WDR7: variants seen among roughly 807,000 people sequenced by gnomAD.
WDR7 encodes the protein WD repeat-containing protein 7.
A neutral mutation model predicts 169.4 loss-of-function variants in WDR7; 46 were observed. The observed-to-expected ratio is 0.27, with a 90% CI of 0.21 to 0.35. The LOEUF is 0.35. WDR7 is among the 10% of genes least tolerant of loss of function. WDR7 has a pLI of 1.00. For synonymous variants in WDR7, 612 were observed against 666.8 expected, an observed-to-expected ratio of 0.92 and a Z score of 1.27; for missense variants, 1,534 against 1,859.3, an observed-to-expected ratio of 0.83 and a Z score of 3.22.
At chr18:56,725,495 G>T (rs1179986825) in intron 13 of WDR7, among the ~76,000 whole-genome samples, 1 of 152,016 alleles carries the variant, frequency 6.6e-6, no homozygotes, top group African/African-American at 2.4e-5. Context: ...CTTTTTGATG[G>T]GGTTGTTTGT....
chr18:56,756,812 C>A lies in WDR7; in HGVS notation c.2219C>A (p.Ala740Glu). 6.2e-7 allele frequency: 1 copy of A among 1,614,046 alleles called. No homozygotes were observed. Among genetic ancestry groups the A allele is most frequent in the Admixed American group, 1.7e-5 (1 of 59,984 alleles). ...TCTTTTTTAACTGGAAAACGAGCAG[C>A]AGTTCTCTTCCAACAAGTGAAAGAA... is the stretch of plus-strand genomic sequence containing the variant. ...GGSFLTGKRA[A>E]VLFQQVKETI... Residue 740 changes from alanine (A) to glutamate (E), a missense_variant, in exon 15 of 28, where the codon GCA (alanine) becomes GAA (glutamate). By Grantham distance (107) the Ala-to-Glu change is moderately radical. Transcript: ENST00000254442.
chr18:57,019,723 AAC>A (rs2048260528), intron 26 of WDR7, among the ~76,000 whole-genome samples: 1 of 152,160 alleles, frequency 6.6e-6, no homozygotes, highest in South Asian at 2.1e-4. Flanking sequence ...TGTGGGCCGA[AAC>A]ACATAACAAG....
chr18:56,827,962 A>G (rs986734542), intron 20 of WDR7, among the ~76,000 whole-genome samples: 1 of 152,216 alleles, frequency 6.6e-6, no homozygotes, highest in Admixed American at 6.5e-5. Context: ...TGCTCAATAA[A>G]TATGATAGGC....
intron 20 of WDR7, among the ~76,000 whole-genome samples, chr18:56,818,791 T>G (rs976116896): frequency 6.6e-6 from 1 of 150,658 alleles, no homozygotes; most frequent in Non-Finnish European, 1.5e-5. Flanking sequence ...GGGTAACTAG[T>G]GTTGTAGAGA....
intron 19 of WDR7, among the ~76,000 whole-genome samples, chr18:56,792,900 G>C (rs886994996): frequency 6.6e-6 from 1 of 151,980 alleles, no homozygotes; most frequent in African/African-American, 2.4e-5. Flanking sequence ...GTTGTCATGC[G>C]GGACAACTTT....
intron 25 of WDR7, among the ~76,000 whole-genome samples, chr18:56,942,889 A>C (rs148873716): frequency 8.6e-4 from 131 of 152,364 alleles, no homozygotes; most frequent in African/African-American, 3.1e-3. Flanking sequence ...AGTTATGTAG[A>C]TATTATTAAG....
chr18:56,710,003 G>GTT (rs74182155), intron 12 of WDR7, among the ~76,000 whole-genome samples: 16,091 of 128,514 alleles, frequency 0.13, 1,513 homozygotes, highest in Non-Finnish European at 0.16. Context: ...TATATATATA[G>GTT]TTGTTTTTTT....
chr18:56,975,111 G>A (rs570214676), intron 26 of WDR7, among the ~76,000 whole-genome samples: 7 of 152,018 alleles, frequency 4.6e-5, no homozygotes, highest in African/African-American at 1.4e-4. Flanking sequence ...GGTGGCGGGC[G>A]TCTAATCCCA....
chr18:56,687,258 A>G (rs896968815), intron 7 of WDR7, among the ~76,000 whole-genome samples: 4 of 152,204 alleles, frequency 2.6e-5, no homozygotes, highest in African/African-American at 9.6e-5. Flanking sequence ...GTACAATATA[A>G]GCAGTAGTAG....
At chr18:56,928,661 A>G (rs2046839251) in intron 22 of WDR7, among the ~76,000 whole-genome samples, 1 of 152,186 alleles carries the variant, frequency 6.6e-6, no homozygotes, top group African/African-American at 2.4e-5. Context: ...CTTCTATTGA[A>G]TGCTTACTAC....
At chr18:57,007,211 C>A (rs1455059642) in intron 26 of WDR7, among the ~76,000 whole-genome samples, 1 of 152,168 alleles carries the variant, frequency 6.6e-6, no homozygotes, top group Non-Finnish European at 1.5e-5. Context: ...GATCTCCTGA[C>A]CTCGTGATCC....
chr18:56,694,565 GA>G (rs2025655126), intron 9 of WDR7, 53 bp from the exon 10 acceptor site: 1 of 1,534,866 alleles, frequency 6.5e-7, no homozygotes, highest in African/African-American at 1.4e-5. Context: ...ATTAATGTGT[GA>G]AATATTTTGA....
At chr18:56,718,271 GCTA>G (rs764332466) in intron 13 of WDR7, 112 bp downstream of exon 13, 3 of 1,136,332 alleles carry the variant, frequency 2.6e-6, no homozygotes, top group Non-Finnish European at 3.7e-6. Flanking sequence ...TAAAATAGTT[GCTA>G]CTTTTATTTC....
At chr18:56,797,872 T>C (rs186203306) in intron 19 of WDR7, among the ~76,000 whole-genome samples, 1 of 152,324 alleles carries the variant, frequency 6.6e-6, no homozygotes, top group South Asian at 2.1e-4. Context: ...GAAATGAGAT[T>C]CCATTTCATT....
At chr18:56,709,587 A>G (rs1313766697) in intron 12 of WDR7, among the ~76,000 whole-genome samples, 1 of 152,220 alleles carries the variant, frequency 6.6e-6, no homozygotes, top group Non-Finnish European at 1.5e-5. Flanking sequence ...CAGAGAGGTT[A>G]AATGACTCAT....
chr18:56,965,349 A>G (rs948010897), intron 26 of WDR7, among the ~76,000 whole-genome samples: 2 of 152,016 alleles, frequency 1.3e-5, no homozygotes, highest in African/African-American at 4.8e-5. Context: ...AGGGTCATAT[A>G]TGTCCCCTGT....
chr18:56,954,189 T>C (rs1002509885), intron 25 of WDR7, among the ~76,000 whole-genome samples: 1 of 152,246 alleles, frequency 6.6e-6, no homozygotes, highest in Non-Finnish European at 1.5e-5. Context: ...AAATTTAAAG[T>C]GTTTAATACT....
At chr18:56,693,184 A>T (rs2025615690) in intron 9 of WDR7, among the ~76,000 whole-genome samples, 1 of 152,256 alleles carries the variant, frequency 6.6e-6, no homozygotes, top group Non-Finnish European at 1.5e-5. Context: ...GTATTTGAAT[A>T]CAGTAATTAG....
chr18:56,999,775 G>A (rs2047948547), intron 26 of WDR7, among the ~76,000 whole-genome samples: 1 of 152,110 alleles, frequency 6.6e-6, no homozygotes, highest in African/African-American at 2.4e-5. Context: ...AGGAAGGATG[G>A]CAAGAAAAGT....
Sources: gnomAD v4.1 joint callset for allele counts (sites outside exome capture counted in the v4.1 genomes callset) on GRCh38, gnomAD v4.1.1 for gene constraint, MANE v1.5 for transcripts, NCBI Gene and HGNC (gene_info 2026-07-23, HGNC 2026-07-21) for gene names.